The following GSE1 variants were observed in gnomAD, a reference collection of about 807,000 sequenced individuals.
GSE1 encodes Gse1 coiled-coil protein, also known as genetic suppressor element 1.
A neutral mutation model predicts 112.6 loss-of-function variants in GSE1; 32 were observed. The ratio of observed to expected loss-of-function variants is 0.28; its 90% CI spans 0.21 to 0.38. The LOEUF (loss-of-function observed/expected upper bound fraction) is 0.38, where lower values mean the gene tolerates loss of function less well. Among genes scored for constraint, GSE1 ranks in the 10% least tolerant of loss-of-function variants. The pLI, the probability that GSE1 is intolerant of heterozygous loss-of-function variation, is 1.00. For synonymous variants in GSE1, 1,115 were observed against 735.6 expected, an observed-to-expected ratio of 1.52 and a Z score of -8.35; for missense variants, 2,348 against 1,699.2, an observed-to-expected ratio of 1.38 and a Z score of -6.71.
At chr16:85,463,231 C>CCCAG (rs1200137822) in intron 2 of GSE1, 6 of 389,738 alleles carry the variant, frequency 1.5e-5, no homozygotes, top group Non-Finnish European at 2.1e-5. Flanking sequence ...CCCGCACTCA[C>CCCAG]CCAGCCTCGC....
intron 1 of GSE1, among the ~76,000 whole-genome samples, chr16:85,258,908 C>T (rs1196711211): frequency 3.3e-5 from 5 of 152,202 alleles, no homozygotes; most frequent in African/African-American, 1.2e-4. Context: ...TGCCCTGCCG[C>T]GTGGTTGCTA....
At chr16:85,342,017 G>A (rs934941820) in intron 1 of GSE1, among the ~76,000 whole-genome samples, 6 of 152,008 alleles carry the variant, frequency 3.9e-5, no homozygotes, top group Admixed American at 2.0e-4. Flanking sequence ...GCTGCCTGCC[G>A]TCCCTCCACA....
intron 2 of GSE1, among the ~76,000 whole-genome samples, chr16:85,642,721 C>T (rs933871893): frequency 1.3e-5 from 2 of 152,252 alleles, no homozygotes; most frequent in South Asian, 4.1e-4. Flanking sequence ...CTCCACCGTT[C>T]CCCTGAGCAG....
In GSE1 at chr16:85,202,716, G is replaced by A. The variant is rs147960931; in HGVS notation, c.2283+30909G>A. 7.9e-5 allele frequency among the ~76,000 whole-genome samples: 12 copies of A among 152,374 alleles called. No homozygotes were observed. The East Asian group carries it at 1.4e-3, about 17-fold the overall frequency. On this transcript the variant is annotated intron_variant, in intron 1 of 2. Transcript: ENST00000637419. ...GAGGGGCCCTGGGGGGCCTCTGGCC[G>A]GAGCCAGGCCGATCGCACCCAGCTC... is the stretch of plus-strand genomic sequence containing the variant.
intron 1 of GSE1, among the ~76,000 whole-genome samples, chr16:85,257,319 C>G (rs1420515308): frequency 2.6e-5 from 4 of 152,120 alleles, no homozygotes; most frequent in African/African-American, 9.7e-5. Context: ...CCACGTCAGC[C>G]AGGCTGGTCT....
intron 1 of GSE1, among the ~76,000 whole-genome samples, chr16:85,232,839 C>G (rs1311995085): frequency 6.6e-6 from 1 of 152,226 alleles, no homozygotes; most frequent in Non-Finnish European, 1.5e-5. Context: ...GGATCTCAAC[C>G]CTATGTTAGG....
chr16:85,595,779 T>C (rs920892708), intron 1 of GSE1: 1 of 144,386 alleles, frequency 6.9e-6, no homozygotes, highest in Non-Finnish European at 1.5e-5. Flanking sequence ...CATCTATCCA[T>C]CCATCCCTCT....
At chr16:85,211,661 G>A (rs2075228194) in intron 1 of GSE1, among the ~76,000 whole-genome samples, 1 of 152,196 alleles carries the variant, frequency 6.6e-6, no homozygotes, top group African/African-American at 2.4e-5. Flanking sequence ...CTGGCCTGGA[G>A]AGACCAGGGG....
At chr16:85,470,816 C>T (rs1393773250) in intron 2 of GSE1, among the ~76,000 whole-genome samples, 1 of 151,960 alleles carries the variant, frequency 6.6e-6, no homozygotes, top group African/African-American at 2.4e-5. Context: ...TAATGAGCGG[C>T]GATTAAAACA....
chr16:85,305,474 T>TG (rs1423489724), intron 1 of GSE1, among the ~76,000 whole-genome samples: 1 of 149,756 alleles, frequency 6.7e-6, no homozygotes, highest in Non-Finnish European at 1.5e-5. Context: ...TTGTTTTTTT[T>TG]TTTTTGTTTG....
At chr16:85,185,984 G>C (rs965589455) in intron 1 of GSE1, among the ~76,000 whole-genome samples, 5 of 152,212 alleles carry the variant, frequency 3.3e-5, no homozygotes, top group African/African-American at 1.2e-4. Flanking sequence ...AGTTTCACGG[G>C]CCTTACTGTG....
chr16:85,575,548 C>T lies in GSE1; in HGVS notation c.37+19185C>T, dbSNP rs1245459302. ...TTCACATTTTATTTTTATTTTTTCA[C>T]TTGGGCACTGCAAAAACACACGGCT... On this transcript the variant is annotated intron_variant, in intron 1 of 2. Coordinates refer to the GSE1 transcript ENST00000635906. Among the ~76,000 whole-genome samples, 6 of 152,018 alleles carry T rather than the reference C, an allele frequency of 3.9e-5. No homozygotes were observed. The East Asian group carries it at 1.2e-3, about 29-fold the overall frequency.
chr16:85,253,622 C>G (rs1399639709), intron 1 of GSE1, among the ~76,000 whole-genome samples: 3 of 152,190 alleles, frequency 2.0e-5, no homozygotes, highest in Non-Finnish European at 2.9e-5. Context: ...TGCCACTGGT[C>G]GGAGCTCCAG....
chr16:85,366,227 G>A (rs776132239), intron 2 of GSE1, among the ~76,000 whole-genome samples: 6 of 152,378 alleles, frequency 3.9e-5, no homozygotes, highest in South Asian at 2.1e-4. Context: ...CGCTCCCAGA[G>A]CTCTGCCCCC....
chr16:85,408,166 G>T (rs1325545424), intron 2 of GSE1, among the ~76,000 whole-genome samples: 3 of 33,206 alleles, frequency 9.0e-5, no homozygotes, highest in Admixed American at 2.4e-4. Context: ...AGGGCCCCCC[G>T]GATAATCCTC....
chr16:85,531,240 G>A (rs1452199559), intron 2 of GSE1, among the ~76,000 whole-genome samples: 1 of 152,192 alleles, frequency 6.6e-6, no homozygotes, highest in Admixed American at 6.5e-5. Context: ...GAGACGGCTG[G>A]GGTGTTGAGC....
intron 2 of GSE1, among the ~76,000 whole-genome samples, chr16:85,543,102 T>A (rs1322587613): frequency 6.6e-6 from 1 of 150,976 alleles, no homozygotes; most frequent in African/African-American, 2.4e-5. Context: ...GGCAGGCGCC[T>A]GTAGGAGGCT....
exon 1 of GSE1, chr16:85,169,959 C>A: frequency 1.0e-6 from 1 of 984,578 alleles, no homozygotes; most frequent in Non-Finnish European, 1.2e-6. Context: ...ACGCGCTGGG[C>A]AGCGCCACCG....
rs547907624 is a variant in GSE1, at chr16:85,400,629, G to A, written c.2464+42986G>A. On this transcript the variant is annotated intron_variant, in intron 2 of 2. Transcript: ENST00000637419. ...GTCTATGTGTTGCATGTCTCTGTGT[G>A]TCTGTGTGTTGTGTGTGTCTCTGTG... Among the ~76,000 whole-genome samples the A allele has an allele frequency of 3.6e-4, 10 of 28,020 alleles. No homozygotes were observed. The South Asian group carries it at 0.035, about 98-fold the overall frequency. 18.4% of individuals were successfully genotyped at this position (28,020 alleles called of 152,430 possible).
Sources: gnomAD v4.1 joint callset for allele counts (sites outside exome capture counted in the v4.1 genomes callset) on GRCh38, gnomAD v4.1.1 for gene constraint, MANE v1.5 for transcripts, NCBI Gene and HGNC (gene_info 2026-07-23, HGNC 2026-07-21) for gene names.